Variants in SLC10A7 observed in about 807,000 individuals in gnomAD.
SLC10A7 encodes sodium/bile acid cotransporter 7.
In SLC10A7, 29 loss-of-function variants were observed where a neutral mutation model predicts 43.2. The ratio of observed to expected loss-of-function variants is 0.67; its 90% CI spans 0.50 to 0.92. The LOEUF (loss-of-function observed/expected upper bound fraction) is 0.92, where lower values mean the gene tolerates loss of function less well. SLC10A7 is among the 40% of genes least tolerant of loss of function. The pLI is 0.00. For synonymous variants in SLC10A7, 152 were observed against 144.8 expected (o/e 1.05, Z -0.35); for missense variants, 295 against 403.2 (o/e 0.73, Z 2.30).
intron 7 of SLC10A7, among the ~76,000 whole-genome samples, chr4:146,301,013 A>G (rs74731533): frequency 0.025 from 3,860 of 152,280 alleles, 158 homozygotes; most frequent in African/African-American, 0.088. Context: ...ATAGTAACCT[A>G]TGGAGACCAC....
At chr4:146,330,517 C>T (rs1337268991) in intron 5 of SLC10A7, among the ~76,000 whole-genome samples, 2 of 152,306 alleles carry the variant, frequency 1.3e-5, no homozygotes, top group East Asian at 3.9e-4. Flanking sequence ...ACCCCTCTCT[C>T]TGTCTCCCTC....
At chr4:146,382,029 T>C (rs939326417) in intron 5 of SLC10A7, among the ~76,000 whole-genome samples, 10 of 151,918 alleles carry the variant, frequency 6.6e-5, no homozygotes, top group African/African-American at 2.4e-4. Flanking sequence ...GAGAAGGCAT[T>C]CAAACTCTCT....
In SLC10A7 at chr4:146,521,719, T is replaced by A. The variant is rs780110957; in HGVS notation, c.-2A>T. The A allele has an allele frequency of 3.7e-6, 6 of 1,612,830 alleles. No homozygotes were observed. The African/African-American group carries it at 5.3e-5, about 14-fold the overall frequency. ...CCTCATTCTCTCCAGCAGCCTCATA[T>A]TTGTTAGGGTGGGTGGGTTTTGTTT... On this transcript the variant is annotated 5_prime_UTR_variant, in exon 1 of 12. Transcript: ENST00000335472.
At chr4:146,425,165 T>C (rs1579153777) in intron 5 of SLC10A7, among the ~76,000 whole-genome samples, 1 of 152,102 alleles carries the variant, frequency 6.6e-6, no homozygotes, top group African/African-American at 2.4e-5. Flanking sequence ...TGCCTTTGAA[T>C]TCACTAGAGA....
chr4:146,458,425 C>A (rs1291425564), intron 4 of SLC10A7, among the ~76,000 whole-genome samples: 2 of 151,706 alleles, frequency 1.3e-5, no homozygotes, highest in South Asian at 4.1e-4. Flanking sequence ...ATTCTTATTA[C>A]TACGTCTATC....
chr4:146,484,822 A>G (rs1734778174), intron 4 of SLC10A7, among the ~76,000 whole-genome samples: 1 of 152,224 alleles, frequency 6.6e-6, no homozygotes, highest in Non-Finnish European at 1.5e-5. Context: ...AGAAATTTTA[A>G]ATTAGATCAA....
intron 9 of SLC10A7, among the ~76,000 whole-genome samples, chr4:146,290,056 G>A (rs1730317546): frequency 6.7e-6 from 1 of 149,330 alleles, no homozygotes; most frequent in Non-Finnish European, 1.5e-5. Context: ...TGGGCGTGGT[G>A]GCTCACGCCT....
At chr4:146,499,920 T>G (rs1353622227) in intron 4 of SLC10A7, among the ~76,000 whole-genome samples, 1 of 152,226 alleles carries the variant, frequency 6.6e-6, no homozygotes, top group East Asian at 1.9e-4. Context: ...GGATGAAATG[T>G]GAACTTTGGC....
chr4:146,327,638 G>T (rs2149709345), intron 5 of SLC10A7, among the ~76,000 whole-genome samples: 1 of 152,326 alleles, frequency 6.6e-6, no homozygotes, highest in South Asian at 2.1e-4. Context: ...TCATCCAAGA[G>T]ATTCAAGAGT....
At chr4:146,519,365 C>G (rs1440567148) in intron 1 of SLC10A7, among the ~76,000 whole-genome samples, 1 of 145,418 alleles carries the variant, frequency 6.9e-6, no homozygotes, top group African/African-American at 2.5e-5. Context: ...AGAGAGATGA[C>G]CTACTATGTC....
intron 5 of SLC10A7, among the ~76,000 whole-genome samples, chr4:146,352,743 C>T (rs1294321377): frequency 5.0e-5 from 6 of 119,768 alleles, no homozygotes; most frequent in South Asian, 6.9e-4. Flanking sequence ...CACTCAAAGC[C>T]GCTCAACTAC....
chr4:146,259,086 C>A (rs1376839330), intron 10 of SLC10A7, among the ~76,000 whole-genome samples: 1 of 152,080 alleles, frequency 6.6e-6, no homozygotes, highest in Non-Finnish European at 1.5e-5. Context: ...ATTCTCACGG[C>A]AAATTAGAAG....
At chr4:146,410,598 T>C (rs1728119709) in intron 5 of SLC10A7, among the ~76,000 whole-genome samples, 1 of 152,156 alleles carries the variant, frequency 6.6e-6, no homozygotes, top group African/African-American at 2.4e-5. Context: ...TAATAAGTTG[T>C]CCAAAGTTAC....
At chr4:146,520,762 G>A (rs1055651400) in intron 1 of SLC10A7, among the ~76,000 whole-genome samples, 1 of 152,002 alleles carries the variant, frequency 6.6e-6, no homozygotes, top group Non-Finnish European at 1.5e-5. Flanking sequence ...TGACAAACAA[G>A]GTCAAAAAGA....
intron 4 of SLC10A7, among the ~76,000 whole-genome samples, chr4:146,444,886 T>C (rs950922200): frequency 1.3e-5 from 2 of 152,218 alleles, no homozygotes; most frequent in African/African-American, 4.8e-5. Flanking sequence ...CAGCAACCGA[T>C]AATTAAGGTA....
chr4:146,335,250 G>GAAAAAAAAAAAAA lies in SLC10A7; in HGVS notation c.436-9255_436-9254insTTTTTTTTTTTTT, dbSNP rs772547279. On this transcript the variant is annotated intron_variant, in intron 5 of 11. Coordinates refer to ENST00000335472, the MANE Select transcript of SLC10A7 (RefSeq NM_001029998.6). The stretch of plus-strand genomic sequence containing the variant: ...TCATTAAAGTGTTGCCACAGATGTT[G>GAAAAAAAAAAAAA]TAAAAAAAAAAAAAAAAAAAAAAAA... 3.3e-4 allele frequency among the ~76,000 whole-genome samples: 23 copies of GAAAAAAAAAAAAA among 70,620 alleles called. 2 individuals are homozygous for GAAAAAAAAAAAAA. The highest frequency in any genetic ancestry group is 2.7e-3 in the East Asian group (6 of 2,258). The allele number at this position is 70,620 out of a possible 152,430, so 46.3% of individuals were successfully genotyped here.
At chr4:146,362,134 T>G (rs1331917016) in intron 5 of SLC10A7, among the ~76,000 whole-genome samples, 1 of 152,140 alleles carries the variant, frequency 6.6e-6, no homozygotes, top group Admixed American at 6.6e-5. Flanking sequence ...CTAAGAGTTA[T>G]CGGCCTTAAG....
intron 4 of SLC10A7, among the ~76,000 whole-genome samples, chr4:146,486,707 G>A (rs1285487987): frequency 1.3e-5 from 2 of 152,172 alleles, no homozygotes; most frequent in Non-Finnish European, 2.9e-5. Flanking sequence ...TGTTTGAGGT[G>A]TACAAGAAGA....
intron 4 of SLC10A7, among the ~76,000 whole-genome samples, chr4:146,484,049 CT>C (rs1403169860): frequency 3.9e-5 from 6 of 152,100 alleles, no homozygotes; most frequent in Admixed American, 3.9e-4. Context: ...TCAATACCCA[CT>C]TTTAATAATG....
Sources: gnomAD v4.1 joint callset for allele counts (sites outside exome capture counted in the v4.1 genomes callset) on GRCh38, gnomAD v4.1.1 for gene constraint, MANE v1.5 for transcripts, NCBI Gene and HGNC (gene_info 2026-07-23, HGNC 2026-07-21) for gene names.